The following CAPN3 variants were observed in gnomAD, a reference collection of about 807,000 sequenced individuals.
CAPN3 encodes calpain-3.
Under a neutral mutation model 114.0 loss-of-function variants are expected in CAPN3, and 88 were observed. The observed-to-expected ratio is 0.77, with a 90% CI of 0.65 to 0.92. CAPN3 has a LOEUF of 0.92. CAPN3 is among the 40% of genes least tolerant of loss of function. The probability of loss-of-function intolerance (pLI) is 0.00; values close to 1 mark genes in which losing one functional copy is unlikely to be tolerated. For synonymous variants in CAPN3, 386 were observed against 382.9 expected (o/e 1.01, Z -0.09); for missense variants, 1,028 against 1,069.0 (o/e 0.96, Z 0.53).
intron 1 of CAPN3, among the ~76,000 whole-genome samples, chr15:42,368,012 A>G (rs2052833147): frequency 6.6e-6 from 1 of 152,222 alleles, no homozygotes. Context: ...TTCCAACTTT[A>G]TGCCATAGGC....
intron 4 of CAPN3, 130 bp from the exon 5 acceptor site, chr15:42,388,798 C>T: frequency 2.4e-6 from 2 of 825,120 alleles, no homozygotes; most frequent in Non-Finnish European, 4.3e-6. Flanking sequence ...CCCATGAGCT[C>T]ATAGGGTTAA....
At chr15:42,402,675 G>A (rs1366503781) in intron 12 of CAPN3, 119 bp from the exon 13 acceptor site, 2 of 1,560,850 alleles carry the variant, frequency 1.3e-6, no homozygotes, top group African/African-American at 1.4e-5. Context: ...GAAGTAGGGA[G>A]GTTGAAACTG....
At chr15:42,389,118 C>A in intron 5 of CAPN3, 22 bp downstream of exon 5, 1 of 1,612,492 alleles carries the variant, frequency 6.2e-7, no homozygotes, top group Non-Finnish European at 8.5e-7. Context: ...GTGTGGGGCA[C>A]AGGGTGGGGA....
chr15:42,392,686 C>A lies in CAPN3; in HGVS notation c.993C>A (p.Val331=). The A allele has an allele frequency of 6.2e-7, 1 of 1,613,966 alleles. No homozygotes were observed. The highest frequency in any genetic ancestry group is 1.1e-5 in the South Asian group (1 of 91,028). Residue 331 remains valine, a synonymous_variant, in exon 7 of 24, where the codon GTC becomes GTA. Transcript: ENST00000397163. ...QYETRMACGL[V]RGHAYSVTGL... is the part of the protein sequence containing the mutation. The stretch of plus-strand genomic sequence containing the variant: ...AGACAAGAATGGCCTGCGGGCTGGT[C>A]AGAGGTCACGCCTACTCTGTCACGG...
intron 1 of CAPN3, among the ~76,000 whole-genome samples, chr15:42,360,764 G>A (rs927022163): frequency 6.6e-6 from 1 of 152,156 alleles, no homozygotes; most frequent in Non-Finnish European, 1.5e-5. Context: ...ACAGAGCCCG[G>A]ATTAAAACTT....
chr15:42,375,602 G>A (rs1247004152), intron 1 of CAPN3, among the ~76,000 whole-genome samples: 1 of 152,132 alleles, frequency 6.6e-6, no homozygotes, highest in Non-Finnish European at 1.5e-5. Flanking sequence ...TCTGCAAGAT[G>A]ATCCATTGGA....
chr15:42,373,222 T>C (rs1202164453), intron 1 of CAPN3, among the ~76,000 whole-genome samples: 1 of 152,096 alleles, frequency 6.6e-6, no homozygotes, highest in African/African-American at 2.4e-5. Flanking sequence ...AGTAAAGTCA[T>C]TGGTTTTCAA....
At chr15:42,365,601 C>G (rs1208961988) in intron 1 of CAPN3, among the ~76,000 whole-genome samples, 1 of 151,942 alleles carries the variant, frequency 6.6e-6, no homozygotes, top group Non-Finnish European at 1.5e-5. Flanking sequence ...CCCCTCACCT[C>G]TTTCCCTCAA....
intron 1 of CAPN3, among the ~76,000 whole-genome samples, chr15:42,382,155 C>T (rs111331616): frequency 0.02 from 3,030 of 152,136 alleles, 83 homozygotes; most frequent in African/African-American, 0.057. Flanking sequence ...TGATAATAAT[C>T]TAATGTTTTC....
intron 6 of CAPN3, among the ~76,000 whole-genome samples, chr15:42,391,748 C>T (rs188622087): frequency 4.6e-5 from 7 of 152,288 alleles, no homozygotes; most frequent in Non-Finnish European, 7.3e-5. Flanking sequence ...TCCTTAGGCA[C>T]GGTCATGTCT....
intron 19 of CAPN3, 95 bp downstream of exon 19, chr15:42,410,090 T>C (rs2054162696): frequency 1.7e-6 from 2 of 1,154,160 alleles, no homozygotes; most frequent in Admixed American, 1.7e-5. Context: ...GGGCCCTAAT[T>C]TGTGCCCAGG....
intron 1 of CAPN3, among the ~76,000 whole-genome samples, chr15:42,363,267 T>C (rs1212581790): frequency 6.6e-6 from 1 of 152,188 alleles, no homozygotes; most frequent in Non-Finnish European, 1.5e-5. Context: ...ATATGATCTA[T>C]TTCTAGGATC....
At chr15:42,367,473 A>G (rs1426469184) in intron 1 of CAPN3, among the ~76,000 whole-genome samples, 4 of 152,220 alleles carry the variant, frequency 2.6e-5, no homozygotes, top group African/African-American at 4.8e-5. Flanking sequence ...AGTTTAAACA[A>G]TCACCATCAG....
chr15:42,388,508 T>C (rs1281332943), intron 4 of CAPN3, among the ~76,000 whole-genome samples: 2 of 152,142 alleles, frequency 1.3e-5, no homozygotes, highest in Admixed American at 6.5e-5. Flanking sequence ...GGTTTTGCCA[T>C]GTTGCCCAGA....
chr15:42,409,105 G>C (rs1939386267), intron 16 of CAPN3, 198 bp from the exon 17 acceptor site: 2 of 622,586 alleles, frequency 3.2e-6, no homozygotes, highest in Non-Finnish European at 5.8e-6. Context: ...GGGGCGTCAG[G>C]GCTGGAGAGG....
chr15:42,399,790 A>C (rs1210346145), intron 10 of CAPN3, 138 bp downstream of exon 10: 1 of 781,116 alleles, frequency 1.3e-6, no homozygotes, highest in Non-Finnish European at 2.0e-6. Context: ...CTGAGAAGGA[A>C]ACCACCATGC....
intron 9 of CAPN3, among the ~76,000 whole-genome samples, chr15:42,397,575 C>G (rs2053733050): frequency 6.7e-6 from 1 of 149,796 alleles, no homozygotes; most frequent in African/African-American, 2.5e-5. Context: ...ACCTGGGAGG[C>G]AGAGGTTACA....
At chr15:42,409,677 C>A in intron 17 of CAPN3, 110 bp from the exon 18 acceptor site, 1 of 1,015,916 alleles carries the variant, frequency 9.8e-7, no homozygotes, top group Non-Finnish European at 1.6e-6. Flanking sequence ...GACATAATAG[C>A]ACCGACAGGG....
intron 8 of CAPN3, among the ~76,000 whole-genome samples, chr15:42,394,555 A>G (rs1019823278): frequency 5.9e-5 from 9 of 152,282 alleles, no homozygotes; most frequent in Admixed American, 5.2e-4. Flanking sequence ...GTTGCTGACA[A>G]CCATTGGCTG....
Sources: gnomAD v4.1 joint callset for allele counts (sites outside exome capture counted in the v4.1 genomes callset) on GRCh38, gnomAD v4.1.1 for gene constraint, MANE v1.5 for transcripts, NCBI Gene and HGNC (gene_info 2026-07-23, HGNC 2026-07-21) for gene names.